Variants in ARHGEF18 observed in about 807,000 individuals in gnomAD.
ARHGEF18 encodes rho guanine nucleotide exchange factor 18.
ARHGEF18 carries 93 observed loss-of-function variants against 155.7 expected under a neutral mutation model. The observed-to-expected ratio is 0.60, with a 90% CI of 0.50 to 0.71. ARHGEF18 has a LOEUF of 0.71. ARHGEF18 is among the 30% of genes least tolerant of loss of function. The probability of loss-of-function intolerance (pLI) is 0.00; values close to 1 mark genes in which losing one functional copy is unlikely to be tolerated. For missense variants in ARHGEF18, 1,593 were observed against 1,816.1 expected, an observed-to-expected ratio of 0.88 and a Z score of 2.23; for synonymous variants, 742 against 753.1, an observed-to-expected ratio of 0.99 and a Z score of 0.24.
intron 10 of ARHGEF18, among the ~76,000 whole-genome samples, chr19:7,386,413 T>G (rs1261062655): frequency 1.3e-5 from 2 of 151,732 alleles, no homozygotes; most frequent in East Asian, 3.9e-4. Flanking sequence ...CAGGAGCGCC[T>G]CTAGCTATGA....
At chr19:7,476,839 G>A (rs1235302868), downstream of ARHGEF18, 2 of 225,630 alleles carry the variant, frequency 8.9e-6, no homozygotes, top group Non-Finnish European at 1.7e-5. Flanking sequence ...GGGGCCAGGA[G>A]CCAGCAGTGT....
intron 10 of ARHGEF18, among the ~76,000 whole-genome samples, chr19:7,417,013 G>A (rs113893314): frequency 0.014 from 2,134 of 149,096 alleles, 52 homozygotes; most frequent in African/African-American, 0.05. Flanking sequence ...AGGTTCAAGC[G>A]ATTCTCCTGC....
chr19:7,411,877 G>A (rs1308633593), intron 10 of ARHGEF18, among the ~76,000 whole-genome samples: 1 of 152,090 alleles, frequency 6.6e-6, no homozygotes, highest in Non-Finnish European at 1.5e-5. Context: ...TTTGTGACTG[G>A]CTTATTTCAC....
intron 10 of ARHGEF18, among the ~76,000 whole-genome samples, chr19:7,431,510 C>CAAAAAAAAAAAAAAAAAAAAAAAAAAA (rs34609858): frequency 1.9e-5 from 1 of 51,294 alleles, no homozygotes; most frequent in Non-Finnish European, 3.5e-5. Flanking sequence ...GACTCCATCT[C>CAAAAAAAAAAAAAAAAAAAAAAAAAAA]AAAAAAAAAA....
At chr19:7,423,395 AGGGGAGCCT>A (rs1463827417) in intron 10 of ARHGEF18, among the ~76,000 whole-genome samples, 1 of 152,046 alleles carries the variant, frequency 6.6e-6, no homozygotes, top group Non-Finnish European at 1.5e-5. Flanking sequence ...AAACAATCTC[AGGGGAGCCT>A]GGTCATTAAT....
At chr19:7,359,623 T>A (rs560652785) in intron 1 of ARHGEF18, among the ~76,000 whole-genome samples, 3 of 152,204 alleles carry the variant, frequency 2.0e-5, no homozygotes, top group Admixed American at 2.0e-4. Context: ...GGGGGGTTCA[T>A]TCTATGATAC....
chr19:7,476,911 C>G (rs148610277), downstream of ARHGEF18: 105 of 379,834 alleles, frequency 2.8e-4, no homozygotes, highest in East Asian at 3.9e-3. Flanking sequence ...CCCGTTCCAG[C>G]TTTCTCAAGG....
chr19:7,412,664 C>T (rs1003939935), intron 10 of ARHGEF18, among the ~76,000 whole-genome samples: 10 of 151,700 alleles, frequency 6.6e-5, no homozygotes, highest in African/African-American at 1.5e-4. Flanking sequence ...ATCACTTGAA[C>T]CCAGGAGGCG....
chr19:7,380,801 G>C (rs773830160), intron 7 of ARHGEF18, 116 bp from the exon 8 acceptor site: 4 of 531,956 alleles, frequency 7.5e-6, no homozygotes, highest in Non-Finnish European at 1.1e-5. Context: ...AGAGTGTCAA[G>C]GACAGGTGGG....
chr19:7,383,550 G>A (rs1568283938), intron 10 of ARHGEF18, among the ~76,000 whole-genome samples: 1 of 152,002 alleles, frequency 6.6e-6, no homozygotes, highest in African/African-American at 2.4e-5. Flanking sequence ...GCACTTCTGG[G>A]GGCTTAAAGT....
intron 10 of ARHGEF18, among the ~76,000 whole-genome samples, chr19:7,427,431 A>C: frequency 6.6e-6 from 1 of 151,812 alleles, no homozygotes; most frequent in East Asian, 1.9e-4. Flanking sequence ...GCCTGAGCGC[A>C]GGAAGGAGTT....
chr19:7,448,538 G>A (rs1975151301), intron 15 of ARHGEF18, among the ~76,000 whole-genome samples: 1 of 152,058 alleles, frequency 6.6e-6, no homozygotes, highest in Non-Finnish European at 1.5e-5. Flanking sequence ...GTGGGCGCCT[G>A]TAGTCCCAGC....
intron 10 of ARHGEF18, among the ~76,000 whole-genome samples, chr19:7,394,675 A>C (rs1364252848): frequency 7.1e-6 from 1 of 141,314 alleles, no homozygotes; most frequent in East Asian, 2.1e-4. Flanking sequence ...GGTCCCCCTA[A>C]CTGTGCTGTA....
chr19:7,437,303 C>G (rs974427063), intron 10 of ARHGEF18, among the ~76,000 whole-genome samples: 8 of 142,324 alleles, frequency 5.6e-5, no homozygotes, highest in Non-Finnish European at 7.6e-5. Context: ...TGGCACATGC[C>G]TGTAATCCCA....
chr19:7,362,847 G>A lies in ARHGEF18; in HGVS notation c.-44G>A, dbSNP rs1969687326. Reference sequence around the variant, plus strand: ...GCTGTGGCTTCAGCCACCAAGAGCAGCAGTGGATCCTGGAAACCTGAGAAC... The same window carrying A: ...GCTGTGGCTTCAGCCACCAAGAGCAACAGTGGATCCTGGAAACCTGAGAAC... On this transcript the variant is annotated 5_prime_UTR_variant, in exon 2 of 29. Transcript: ENST00000668164. 4.1e-6 allele frequency: 5 copies of A among 1,234,362 alleles called. No individual in the cohort carries two copies. The Middle Eastern group carries it at 8.3e-4, about 204-fold the overall frequency. 76.5% of individuals were successfully genotyped at this position (1,234,362 alleles called of 1,614,324 possible).
chr19:7,387,905 T>C (rs971668511), intron 10 of ARHGEF18, among the ~76,000 whole-genome samples: 4 of 151,900 alleles, frequency 2.6e-5, no homozygotes, highest in Non-Finnish European at 4.4e-5. Flanking sequence ...CCTCAAGTGA[T>C]ACACCCACCT....
In ARHGEF18 at chr19:7,440,043, C is replaced by T; in HGVS notation, c.968-301C>T. 1 of 1,550,742 alleles carries T rather than the reference C, an allele frequency of 6.4e-7. No individual in the cohort carries two copies. Among genetic ancestry groups the T allele is most frequent in the South Asian group, 1.2e-5 (1 of 84,030 alleles). On this transcript the variant is annotated intron_variant, in intron 10 of 28. Coordinates refer to ENST00000668164, the MANE Select transcript of ARHGEF18 (RefSeq NM_001367823.1). This position sits in a 1 kb window ranked among gnomAD's most constrained non-coding sequence, Gnocchi z 5.4. ...GTTTTCTAGAAGGATCCCACCGAGG[C>T]ATAAAAACGGCGCAGCCCAGCCTGG...
intron 10 of ARHGEF18, among the ~76,000 whole-genome samples, chr19:7,418,681 T>C (rs1011536242): frequency 6.6e-6 from 1 of 151,574 alleles, no homozygotes; most frequent in Non-Finnish European, 1.5e-5. Context: ...ATCTCGGAGG[T>C]GGGGGTTTGA....
At chr19:7,436,768 A>G (rs11667035) in intron 10 of ARHGEF18, among the ~76,000 whole-genome samples, 61,110 of 151,788 alleles carry the variant, frequency 0.4, 12,914 homozygotes, top group East Asian at 0.59. Flanking sequence ...GGTGGAGTTG[A>G]GTGTTGTACA....
Sources: gnomAD v4.1 joint callset for allele counts (sites outside exome capture counted in the v4.1 genomes callset) on GRCh38, gnomAD v4.1.1 for gene constraint, Gnocchi (gnomAD v3.1) non-coding constraint, MANE v1.5 for transcripts, NCBI Gene and HGNC (gene_info 2026-07-23, HGNC 2026-07-21) for gene names.